PTPRN2: variants seen among roughly 807,000 people sequenced by gnomAD.
PTPRN2 encodes protein tyrosine phosphatase receptor type N2, also known as receptor-type tyrosine-protein phosphatase N2.
A neutral mutation model predicts 118.8 loss-of-function variants in PTPRN2; 74 were observed. The observed-to-expected ratio is 0.62, with a 90% CI of 0.52 to 0.76. The LOEUF (loss-of-function observed/expected upper bound fraction) is 0.76. Ranked by LOEUF, PTPRN2 falls within the 30% of genes least tolerant of loss-of-function variation. The pLI is 0.00. For synonymous variants in PTPRN2, 641 were observed against 608.0 expected (o/e 1.05, Z -0.80); for missense variants, 1,481 against 1,394.4 (o/e 1.06, Z -0.99).
Position 158,450,809 on chromosome 7 carries a change from C to A in PTPRN2, c.163+38926G>T, listed in dbSNP as rs575289181. On this transcript the variant is annotated intron_variant, in intron 2 of 22. Transcript: ENST00000389418. ...GACTGTAAACGATGCCACCTACGCG[C>A]TTCCTTGCGCATCTCCCTGACCAGG... Among the ~76,000 whole-genome samples, 12 of 152,384 alleles carry A rather than the reference C, an allele frequency of 7.9e-5. No individual in the cohort carries two copies. The South Asian group carries it at 2.5e-3, about 32-fold the overall frequency.
chr7:158,004,163 T>G (rs532651501), intron 11 of PTPRN2, among the ~76,000 whole-genome samples: 1,858 of 62,522 alleles, frequency 0.03, 36 homozygotes, highest in African/African-American at 0.089. Context: ...GAATGGGTTT[T>G]ATCACCAAAA....
At chr7:157,561,088 G>A (rs561917856) in intron 21 of PTPRN2, among the ~76,000 whole-genome samples, 1 of 152,206 alleles carries the variant, frequency 6.6e-6, no homozygotes, top group East Asian at 1.9e-4. Flanking sequence ...GCACTGCCTG[G>A]CTGGTCCCCC....
chr7:158,294,928 C>T (rs957682534), intron 3 of PTPRN2, among the ~76,000 whole-genome samples: 5 of 137,224 alleles, frequency 3.6e-5, no homozygotes, highest in African/African-American at 5.6e-5. Flanking sequence ...ACTTTCCACG[C>T]GCGTGGTTCA....
chr7:158,173,267 A>G (rs1452221704), intron 5 of PTPRN2, among the ~76,000 whole-genome samples: 3 of 152,182 alleles, frequency 2.0e-5, no homozygotes, highest in Non-Finnish European at 4.4e-5. Flanking sequence ...ATTTCAACAC[A>G]GGTTCTTTTC....
intron 11 of PTPRN2, among the ~76,000 whole-genome samples, chr7:157,970,946 G>A (rs1428004336): frequency 6.6e-6 from 1 of 152,144 alleles, no homozygotes; most frequent in Non-Finnish European, 1.5e-5. Flanking sequence ...CCATCTGCCT[G>A]GCAAATCTGC....
At chr7:158,018,256 G>A (rs191754271) in intron 11 of PTPRN2, among the ~76,000 whole-genome samples, 2 of 152,200 alleles carry the variant, frequency 1.3e-5, no homozygotes, top group African/African-American at 4.8e-5. Context: ...CACAGGCGCC[G>A]CTGGCCATAC....
In PTPRN2 at chr7:157,894,700, G is replaced by A. The variant is rs1797002354; in HGVS notation, c.1788+3973C>T. ...CTATAGTCACACGAGGACAGCCCATGTGGCCTTGGGGTGGATGGAGATGGG... is the reference window on the plus strand; with the variant it reads ...CTATAGTCACACGAGGACAGCCCATATGGCCTTGGGGTGGATGGAGATGGG... On this transcript the variant is annotated intron_variant, in intron 12 of 22. Coordinates refer to ENST00000389418, the MANE Select transcript of PTPRN2 (RefSeq NM_002847.5). Among the ~76,000 whole-genome samples the A allele has an allele frequency of 2.6e-5, 4 of 152,114 alleles. No individual in the cohort carries two copies. In the South Asian group the frequency reaches 6.2e-4, roughly 24 times the overall value.
At chr7:157,621,341 G>T in intron 15 of PTPRN2, 21 bp downstream of exon 15, 1 of 1,602,138 alleles carries the variant, frequency 6.2e-7, no homozygotes, top group South Asian at 1.1e-5. Flanking sequence ...CAGGCTTCCT[G>T]CCCCCGGGGC....
chr7:157,778,860 T>C (rs1187375380), intron 12 of PTPRN2, among the ~76,000 whole-genome samples: 1 of 152,244 alleles, frequency 6.6e-6, no homozygotes, highest in African/African-American at 2.4e-5. Context: ...AGGCGCTGAA[T>C]GCCCACATAT....
At position 157,929,456 on chromosome 7, in the gene PTPRN2, C is replaced by G. The variant is rs1382090459; in HGVS notation, c.1724-30719G>C. 6.6e-6 allele frequency among the ~76,000 whole-genome samples: 1 copy of G among 152,116 alleles called. No homozygotes were observed. Among genetic ancestry groups the G allele is most frequent in the African/African-American group, 2.4e-5 (1 of 41,414 alleles). On this transcript the variant is annotated intron_variant, in intron 11 of 22. Transcript: ENST00000389418. This position sits in a 1 kb window ranked among gnomAD's most constrained non-coding sequence, Gnocchi z 4.4. ...TCCTTTTAGGAGGAAGCCACCGGAT[C>G]GTTTCCCATGCTTAAGCTCAGACGC...
At chr7:157,872,740 C>T (rs377529376) in intron 12 of PTPRN2, among the ~76,000 whole-genome samples, 3 of 152,238 alleles carry the variant, frequency 2.0e-5, no homozygotes, top group African/African-American at 7.2e-5. Flanking sequence ...CCCTGAGGCC[C>T]TCAGTCCACA....
intron 1 of PTPRN2, among the ~76,000 whole-genome samples, chr7:158,533,699 C>T (rs962924755): frequency 1.3e-5 from 2 of 152,216 alleles, no homozygotes; most frequent in Non-Finnish European, 2.9e-5. Context: ...TTCCATCAAT[C>T]GATGAAGCTC....
intron 11 of PTPRN2, among the ~76,000 whole-genome samples, chr7:158,053,155 A>G (rs552595309): frequency 1.3e-5 from 2 of 152,320 alleles, no homozygotes; most frequent in South Asian, 4.1e-4. Context: ...ACTAACCTAG[A>G]GGAATTTTTA....
At chr7:157,908,177 C>T (rs1233010312) in intron 11 of PTPRN2, among the ~76,000 whole-genome samples, 1 of 152,218 alleles carries the variant, frequency 6.6e-6, no homozygotes, top group Non-Finnish European at 1.5e-5. Context: ...GAGACCCCAA[C>T]TGCGCTGCCT....
intron 11 of PTPRN2, among the ~76,000 whole-genome samples, chr7:157,982,591 G>A (rs1233561450): frequency 2.1e-5 from 3 of 142,520 alleles, no homozygotes; most frequent in East Asian, 2.2e-4. Flanking sequence ...GACGAGTAGG[G>A]GAATGCAGAG....
At chr7:158,579,579 T>C (rs112625108) in intron 1 of PTPRN2, among the ~76,000 whole-genome samples, 1,607 of 152,330 alleles carry the variant, frequency 0.011, 31 homozygotes, top group African/African-American at 0.035. Flanking sequence ...ACTGTAAAGA[T>C]TATCTGATTG....
intron 11 of PTPRN2, among the ~76,000 whole-genome samples, chr7:158,061,678 G>A (rs937377388): frequency 2.6e-5 from 4 of 152,350 alleles, no homozygotes; most frequent in South Asian, 2.1e-4. Flanking sequence ...TCCAAGAGCC[G>A]TAGCTGAGAT....
intron 2 of PTPRN2, among the ~76,000 whole-genome samples, chr7:158,399,799 A>T (rs2151400183): frequency 6.6e-6 from 1 of 152,344 alleles, no homozygotes; most frequent in South Asian, 2.1e-4. Context: ...CTCCTACTGC[A>T]CCGGAACCAT....
chr7:157,605,834 G>A (rs534490853), intron 15 of PTPRN2, among the ~76,000 whole-genome samples: 10 of 152,342 alleles, frequency 6.6e-5, no homozygotes, highest in Admixed American at 1.3e-4. Context: ...ACGAGTGGCC[G>A]TGGGCAGGCC....
Sources: gnomAD v4.1 joint callset for allele counts (sites outside exome capture counted in the v4.1 genomes callset) on GRCh38, gnomAD v4.1.1 for gene constraint, Gnocchi (gnomAD v3.1) non-coding constraint, MANE v1.5 for transcripts, NCBI Gene and HGNC (gene_info 2026-07-23, HGNC 2026-07-21) for gene names.